The following TEX9 variants were observed in gnomAD, a reference collection of about 807,000 sequenced individuals.
TEX9 encodes testis-expressed protein 9.
Under a neutral mutation model 59.6 loss-of-function variants are expected in TEX9, and 74 were observed. That is an observed-to-expected ratio of 1.24 (90% CI 1.03 to 1.51). The LOEUF is 1.51. Among genes scored for constraint, TEX9 ranks in the 40% most tolerant of loss-of-function variants. The probability of loss-of-function intolerance (pLI) is 0.00; values close to 1 mark genes in which losing one functional copy is unlikely to be tolerated. For missense variants in TEX9, 522 were observed against 447.8 expected (o/e 1.17, Z -1.49); for synonymous variants, 186 against 152.2 (o/e 1.22, Z -1.64).
rs147848015 is a variant in TEX9, at chr15:56,350,314, G to T, written c.-106-23127G>T. Among the ~76,000 whole-genome samples, 604 of 152,226 alleles carry T rather than the reference G, an allele frequency of 4.0e-3. 1 individual carries two copies. Among genetic ancestry groups the T allele is most frequent in the Middle Eastern group, 0.014 (4 of 294 alleles). ...AGAGATTCAAATTACAGTGTTCAAGGGCACATGTCCCACATAACCTTTGGC... is the reference window on the plus strand; with the variant it reads ...AGAGATTCAAATTACAGTGTTCAAGTGCACATGTCCCACATAACCTTTGGC... On this transcript the variant is annotated intron_variant, in intron 1 of 5. Transcript: ENST00000560827.
At chr15:56,257,693 C>A (rs1161562481) in intron 1 of TEX9, among the ~76,000 whole-genome samples, 1 of 152,010 alleles carries the variant, frequency 6.6e-6, no homozygotes, top group African/African-American at 2.4e-5. Flanking sequence ...GATATTAGAT[C>A]TTTGTTAGAT....
intron 1 of TEX9, among the ~76,000 whole-genome samples, chr15:56,347,700 C>T (rs2046498491): frequency 6.6e-6 from 1 of 151,918 alleles, no homozygotes; most frequent in South Asian, 2.1e-4. Context: ...GATTTAGGCC[C>T]AGGCAAAGAG....
At chr15:56,293,530 T>A (rs530377782) in intron 1 of TEX9, among the ~76,000 whole-genome samples, 1 of 152,354 alleles carries the variant, frequency 6.6e-6, no homozygotes, top group African/African-American at 2.4e-5. Flanking sequence ...TTCTGCCTAA[T>A]ATAAATTCTA....
rs60648387 is a variant in TEX9 at position 56,309,693 on chromosome 15, G to GTTTTTTTTTTTTT, written c.-106-63729_-106-63717dup. On this transcript the variant is annotated intron_variant, in intron 1 of 5. Transcript: ENST00000560827. ...TCTGGGCCTGGGATTTTTATGGGAA[G>GTTTTTTTTTTTTT]TTTTTTTTTTTTTTTTTTTTTTTTT... Among the ~76,000 whole-genome samples, 33 of 60,784 alleles carry GTTTTTTTTTTTTT rather than the reference G, an allele frequency of 5.4e-4. 1 individual carries two copies. Among genetic ancestry groups the GTTTTTTTTTTTTT allele is most frequent in the African/African-American group, 1.6e-3 (22 of 13,688 alleles). The allele number at this position is 60,784 out of a possible 152,430, so 39.9% of individuals were successfully genotyped here. A position where few individuals can be genotyped will look rare whatever the true frequency, so the allele number is the denominator to read the frequency against.
chr15:56,299,079 A>G (rs934721317), intron 1 of TEX9, among the ~76,000 whole-genome samples: 1 of 152,212 alleles, frequency 6.6e-6, no homozygotes, highest in Non-Finnish European at 1.5e-5. Context: ...GTGAGTGATC[A>G]CAGTACCTGG....
At chr15:56,253,859 A>C (rs1401605427) in intron 1 of TEX9, among the ~76,000 whole-genome samples, 3 of 152,082 alleles carry the variant, frequency 2.0e-5, no homozygotes, top group African/African-American at 7.2e-5. Flanking sequence ...TAGACTACCC[A>C]ATGTGTTGTT....
At chr15:56,328,206 T>G (rs2725859) in intron 1 of TEX9, among the ~76,000 whole-genome samples, 79,551 of 151,494 alleles carry the variant, frequency 0.53, 21,024 homozygotes, top group Non-Finnish European at 0.55. Context: ...GACCCTAGCT[T>G]CTGGATGACA....
At chr15:56,284,163 T>G (rs2044885777) in intron 1 of TEX9, among the ~76,000 whole-genome samples, 1 of 152,124 alleles carries the variant, frequency 6.6e-6, no homozygotes, top group Non-Finnish European at 1.5e-5. Context: ...CTTCTCCTTT[T>G]TTTTCTTTTT....
At chr15:56,430,415 A>T (rs2050554580) in intron 12 of TEX9, among the ~76,000 whole-genome samples, 1 of 152,106 alleles carries the variant, frequency 6.6e-6, no homozygotes, top group Admixed American at 6.6e-5. Flanking sequence ...CATGTTTCCC[A>T]GGCTGGTCTT....
intron 1 of TEX9, among the ~76,000 whole-genome samples, chr15:56,331,120 G>T (rs1437853661): frequency 6.6e-6 from 1 of 152,134 alleles, no homozygotes; most frequent in Admixed American, 6.5e-5. Context: ...TTGAATATAT[G>T]TGCAGCCAAC....
intron 1 of TEX9, among the ~76,000 whole-genome samples, chr15:56,258,003 A>T (rs2044181556): frequency 6.6e-6 from 1 of 152,130 alleles, no homozygotes. Flanking sequence ...AGTTTTCTTC[A>T]TATGGCTAGC....
At chr15:56,323,273 C>A (rs1253658105) in intron 1 of TEX9, 26 of 215,600 alleles carry the variant, frequency 1.2e-4, no homozygotes, top group Non-Finnish European at 1.8e-4. Flanking sequence ...TCATGTCTGC[C>A]AAAGAGAAAG....
intron 1 of TEX9, among the ~76,000 whole-genome samples, chr15:56,277,476 A>G (rs984468596): frequency 5.3e-5 from 8 of 152,130 alleles, no homozygotes; most frequent in Admixed American, 2.0e-4. Flanking sequence ...TGAAGATCAG[A>G]TGGTTGTAGA....
At chr15:56,394,311 T>G in intron 8 of TEX9, 64 bp downstream of exon 8, 1 of 1,360,618 alleles carries the variant, frequency 7.3e-7, no homozygotes, top group Admixed American at 2.3e-5. Flanking sequence ...CAATTTCAAT[T>G]ACATTTTTTG....
intron 2 of TEX9, among the ~76,000 whole-genome samples, chr15:56,369,851 AG>A (rs1389261550): frequency 5.3e-5 from 8 of 152,192 alleles, no homozygotes; most frequent in African/African-American, 1.4e-4. Flanking sequence ...TTCTGTTAGA[AG>A]TGTATTAAAA....
chr15:56,421,586 G>A (rs189073425), intron 10 of TEX9: 20 of 151,654 alleles, frequency 1.3e-4, no homozygotes, highest in Admixed American at 1.2e-3. Flanking sequence ...ACTCCTTTGT[G>A]TCTTCTCATT....
At chr15:56,361,091 A>G (rs1596115652), upstream of TEX9, among the ~76,000 whole-genome samples, 1 of 152,184 alleles carries the variant, frequency 6.6e-6, no homozygotes, top group South Asian at 2.1e-4. Flanking sequence ...ATCACAGAAA[A>G]TAACACAGAA....
At chr15:56,317,967 G>T (rs2045816265) in intron 1 of TEX9, among the ~76,000 whole-genome samples, 1 of 152,132 alleles carries the variant, frequency 6.6e-6, no homozygotes, top group Non-Finnish European at 1.5e-5. Context: ...ACTGTTTGAG[G>T]TGGAATGTTC....
intron 1 of TEX9, among the ~76,000 whole-genome samples, chr15:56,323,031 G>C (rs2045937745): frequency 6.6e-6 from 1 of 152,082 alleles, no homozygotes; most frequent in African/African-American, 2.4e-5. Flanking sequence ...AGTACACTGA[G>C]CTCCATAGAG....
Sources: allele counts gnomAD v4.1 joint callset (sites outside exome capture counted in the v4.1 genomes callset), GRCh38; gene constraint gnomAD v4.1.1; transcripts MANE v1.5; gene names NCBI Gene and HGNC (gene_info 2026-07-23, HGNC 2026-07-21).